The following SEMA6D variants were observed in gnomAD, a reference collection of about 807,000 sequenced individuals.
SEMA6D encodes the protein semaphorin-6D.
A neutral mutation model predicts 106.6 loss-of-function variants in SEMA6D; 35 were observed. The ratio of observed to expected loss-of-function variants is 0.33; its 90% confidence interval spans 0.25 to 0.44. The LOEUF (loss-of-function observed/expected upper bound fraction) is 0.44. SEMA6D is among the 20% of genes least tolerant of loss of function. SEMA6D has a pLI of 1.00. For missense variants in SEMA6D, 1,185 were observed against 1,345.9 expected (o/e 0.88, Z 1.87); for synonymous variants, 499 against 487.7 (o/e 1.02, Z -0.31).
rs1271447956 is a variant in SEMA6D at position 47,234,296 on chromosome 15, T to A, written c.-239+49878T>A. On this transcript the variant is annotated intron_variant, in intron 1 of 19. Transcript: ENST00000558014. Reference sequence around the variant, plus strand: ...AGTCTAAGGCAGAGACTAATGCATTTATGCTTGTAAATGTTATACATACAT... The same window carrying A: ...AGTCTAAGGCAGAGACTAATGCATTAATGCTTGTAAATGTTATACATACAT... 2.0e-5 allele frequency among the ~76,000 whole-genome samples: 3 copies of A among 151,976 alleles called. No homozygotes were observed. The East Asian group carries it at 5.8e-4, about 29-fold the overall frequency.
chr15:47,623,306 A>G (rs975246277), intron 4 of SEMA6D, among the ~76,000 whole-genome samples: 1 of 152,180 alleles, frequency 6.6e-6, no homozygotes, highest in Non-Finnish European at 1.5e-5. Context: ...ATCACCACAC[A>G]ACAGTGAACA....
chr15:47,732,615 T>C (rs1234962967), intron 1 of SEMA6D, among the ~76,000 whole-genome samples: 7 of 152,246 alleles, frequency 4.6e-5, no homozygotes, highest in Non-Finnish European at 7.3e-5. Context: ...TAGAGAATTA[T>C]ACATTGTTAT....
chr15:47,212,650 A>G (rs997337712), intron 1 of SEMA6D, among the ~76,000 whole-genome samples: 1 of 152,114 alleles, frequency 6.6e-6, no homozygotes, highest in Admixed American at 6.5e-5. Flanking sequence ...AAAGCAACAC[A>G]TTTTCTGTTT....
intron 2 of SEMA6D, among the ~76,000 whole-genome samples, chr15:47,412,684 A>G (rs2140309751): frequency 6.6e-6 from 1 of 152,300 alleles, no homozygotes; most frequent in African/African-American, 2.4e-5. Context: ...GAAACTAATA[A>G]TTAGATTTTT....
At chr15:47,442,806 T>C (rs1469324979) in intron 2 of SEMA6D, among the ~76,000 whole-genome samples, 1 of 152,120 alleles carries the variant, frequency 6.6e-6, no homozygotes, top group Non-Finnish European at 1.5e-5. Context: ...TGGGTGTTGA[T>C]TCTTTGTATA....
At chr15:47,374,028 G>C (rs957595963) in intron 1 of SEMA6D, among the ~76,000 whole-genome samples, 1 of 152,128 alleles carries the variant, frequency 6.6e-6, no homozygotes, top group Non-Finnish European at 1.5e-5. Context: ...CAGATTAGCT[G>C]GCAGAAAGCA....
chr15:47,210,198 T>C (rs996389214), intron 1 of SEMA6D, among the ~76,000 whole-genome samples: 2 of 152,138 alleles, frequency 1.3e-5, no homozygotes, highest in Admixed American at 1.3e-4. Flanking sequence ...ATGTCGACTT[T>C]AGTGGAACCC....
intron 3 of SEMA6D, among the ~76,000 whole-genome samples, chr15:47,482,784 G>C: frequency 6.6e-6 from 1 of 152,158 alleles, no homozygotes; most frequent in Non-Finnish European, 1.5e-5. Flanking sequence ...CAAGTGAGAA[G>C]TTATTTATTA....
At chr15:47,521,037 A>T (rs1204275923) in intron 3 of SEMA6D, among the ~76,000 whole-genome samples, 1 of 152,146 alleles carries the variant, frequency 6.6e-6, no homozygotes, top group Non-Finnish European at 1.5e-5. Flanking sequence ...GTGTTGTTGG[A>T]ACCAAAGTAG....
chr15:47,758,703 A>G (rs1428612257), intron 1 of SEMA6D, among the ~76,000 whole-genome samples: 1 of 152,194 alleles, frequency 6.6e-6, no homozygotes, highest in Non-Finnish European at 1.5e-5. Context: ...TTCAATAAAA[A>G]TGATGAATAT....
chr15:47,741,986 C>T (rs548680300), intron 1 of SEMA6D, among the ~76,000 whole-genome samples: 1 of 152,042 alleles, frequency 6.6e-6, no homozygotes, highest in African/African-American at 2.4e-5. Flanking sequence ...CTGAGACTGG[C>T]GCTGGGTCCT....
intron 4 of SEMA6D, among the ~76,000 whole-genome samples, chr15:47,696,908 A>G (rs934952912): frequency 2.6e-5 from 4 of 152,220 alleles, no homozygotes; most frequent in African/African-American, 9.6e-5. Flanking sequence ...TGACACAATA[A>G]GGACTTAATA....
At chr15:47,626,418 A>G (rs1596475570) in intron 4 of SEMA6D, among the ~76,000 whole-genome samples, 1 of 152,194 alleles carries the variant, frequency 6.6e-6, no homozygotes, top group African/African-American at 2.4e-5. Context: ...CTTCTTAATC[A>G]AAGTGGCCAG....
At chr15:47,320,644 T>A (rs1420940715) in intron 1 of SEMA6D, among the ~76,000 whole-genome samples, 2 of 152,206 alleles carry the variant, frequency 1.3e-5, no homozygotes, top group African/African-American at 4.8e-5. Flanking sequence ...TTTCATGCTT[T>A]ACTAACTTAA....
chr15:47,418,468 T>C (rs1430123970), intron 2 of SEMA6D, among the ~76,000 whole-genome samples: 3 of 152,078 alleles, frequency 2.0e-5, no homozygotes, highest in South Asian at 4.1e-4. Flanking sequence ...CATTTTCTTG[T>C]TCATAGGCCG....
At chr15:47,318,879 C>T (rs1353098014) in intron 1 of SEMA6D, among the ~76,000 whole-genome samples, 1 of 151,198 alleles carries the variant, frequency 6.6e-6, no homozygotes, top group Non-Finnish European at 1.5e-5. Flanking sequence ...TTTACAGTCC[C>T]ACCAACAGTG....
chr15:47,692,485 C>A (rs528042686), intron 4 of SEMA6D, among the ~76,000 whole-genome samples: 1 of 152,070 alleles, frequency 6.6e-6, no homozygotes, highest in Non-Finnish European at 1.5e-5. Context: ...TTAAAAAATC[C>A]CTAAGCATGC....
intron 3 of SEMA6D, among the ~76,000 whole-genome samples, chr15:47,481,655 T>C (rs1441300752): frequency 6.6e-6 from 1 of 152,178 alleles, no homozygotes; most frequent in Non-Finnish European, 1.5e-5. Context: ...GCTCTATTAC[T>C]GAGTATAACT....
intron 3 of SEMA6D, among the ~76,000 whole-genome samples, chr15:47,540,088 A>C (rs972821846): frequency 3.3e-5 from 5 of 151,966 alleles, no homozygotes; most frequent in African/African-American, 1.2e-4. Flanking sequence ...CTTACATTTG[A>C]ATATGGATGT....
Sources: gnomAD v4.1 joint callset for allele counts (sites outside exome capture counted in the v4.1 genomes callset) on GRCh38, gnomAD v4.1.1 for gene constraint, MANE v1.5 for transcripts, NCBI Gene and HGNC (gene_info 2026-07-23, HGNC 2026-07-21) for gene names.